The following LDLRAD3 variants were observed in gnomAD, a reference collection of about 807,000 sequenced individuals.
The protein encoded by LDLRAD3 is low-density lipoprotein receptor class A domain-containing protein 3.
In LDLRAD3, 20 loss-of-function variants were observed where a neutral mutation model predicts 29.4. That is an observed-to-expected ratio of 0.68 (90% CI 0.48 to 0.99). The LOEUF (loss-of-function observed/expected upper bound fraction) is 0.99. Among genes scored for constraint, LDLRAD3 ranks in the 50% least tolerant of loss-of-function variants. LDLRAD3 has a pLI of 0.00. For synonymous variants in LDLRAD3, 157 were observed against 192.7 expected (o/e 0.81, Z 1.53); for missense variants, 420 against 454.3 (o/e 0.92, Z 0.69).
intron 4 of LDLRAD3, among the ~76,000 whole-genome samples, chr11:36,178,805 C>T (rs1299766949): frequency 6.6e-6 from 1 of 152,230 alleles, no homozygotes. Context: ...CCCATCCCTC[C>T]TGCCTTTGAA....
intron 4 of LDLRAD3, 63 bp downstream of exon 4, chr11:36,098,524 T>G (rs188388287): frequency 1.9e-6 from 3 of 1,584,864 alleles, no homozygotes; most frequent in Admixed American, 3.4e-5. Context: ...TGGAACACCC[T>G]GAAAGGCAGA....
At chr11:36,133,246 G>T (rs959655595) in intron 4 of LDLRAD3, among the ~76,000 whole-genome samples, 1 of 146,078 alleles carries the variant, frequency 6.8e-6, no homozygotes, top group Non-Finnish European at 1.5e-5. Flanking sequence ...ATGTTGTCCA[G>T]GTTGGTCTCG....
chr11:35,992,374 T>C (rs1192899606), intron 1 of LDLRAD3, among the ~76,000 whole-genome samples: 1 of 152,226 alleles, frequency 6.6e-6, no homozygotes, highest in Non-Finnish European at 1.5e-5. Context: ...CATTGGTATG[T>C]CCACACACAA....
intron 1 of LDLRAD3, among the ~76,000 whole-genome samples, chr11:36,025,241 T>G (rs1852148443): frequency 6.6e-6 from 1 of 152,200 alleles, no homozygotes; most frequent in Non-Finnish European, 1.5e-5. Flanking sequence ...CCTAAAATAT[T>G]AGTGTAATTT....
At chr11:36,114,817 C>T (rs1853652513) in intron 4 of LDLRAD3, among the ~76,000 whole-genome samples, 1 of 152,142 alleles carries the variant, frequency 6.6e-6, no homozygotes, top group African/African-American at 2.4e-5. Flanking sequence ...TATCCACAGC[C>T]CTGTTACTTC....
chr11:36,163,916 C>T (rs995394230), intron 4 of LDLRAD3, among the ~76,000 whole-genome samples: 2 of 152,200 alleles, frequency 1.3e-5, no homozygotes, highest in Admixed American at 1.3e-4. Context: ...ATTTTGCTCC[C>T]GTTTTCATCT....
At chr11:36,207,128 A>T (rs1001335675) in intron 4 of LDLRAD3, among the ~76,000 whole-genome samples, 18 of 152,158 alleles carry the variant, frequency 1.2e-4, no homozygotes. Flanking sequence ...AGTTTCAACT[A>T]GGGGGTTTCC....
At chr11:35,966,718 T>C (rs1851346514) in intron 1 of LDLRAD3, among the ~76,000 whole-genome samples, 1 of 152,210 alleles carries the variant, frequency 6.6e-6, no homozygotes, top group Non-Finnish European at 1.5e-5. Context: ...GTCTTACTTT[T>C]ACCCACCTCA....
chr11:35,982,336 C>T (rs1156485153), intron 1 of LDLRAD3, among the ~76,000 whole-genome samples: 1 of 152,110 alleles, frequency 6.6e-6, no homozygotes, highest in Non-Finnish European at 1.5e-5. Flanking sequence ...GTCTCCACAT[C>T]ACTCTCTCTC....
At chr11:36,082,441 A>AG (rs1853129484) in intron 3 of LDLRAD3, among the ~76,000 whole-genome samples, 1 of 152,170 alleles carries the variant, frequency 6.6e-6, no homozygotes, top group Non-Finnish European at 1.5e-5. Flanking sequence ...CTGGGAGGTC[A>AG]AGGCTGCAGT....
chr11:36,165,629 G>A (rs369823138), intron 4 of LDLRAD3, among the ~76,000 whole-genome samples: 7 of 152,040 alleles, frequency 4.6e-5, no homozygotes, highest in Admixed American at 2.6e-4. Context: ...CCTTTATTTA[G>A]GAAGGTCCTG....
intron 1 of LDLRAD3, among the ~76,000 whole-genome samples, chr11:35,985,568 C>G (rs927586951): frequency 6.6e-6 from 1 of 152,110 alleles, no homozygotes; most frequent in Admixed American, 6.6e-5. Flanking sequence ...TGTGTCCCCA[C>G]CTAAATCTCA....
intron 1 of LDLRAD3, among the ~76,000 whole-genome samples, chr11:35,953,781 G>A (rs552252434): frequency 6.6e-6 from 1 of 152,302 alleles, no homozygotes; most frequent in South Asian, 2.1e-4. Context: ...TTTCATCAGA[G>A]TTCAAGCTGT....
intron 4 of LDLRAD3, among the ~76,000 whole-genome samples, chr11:36,123,017 A>G (rs772215415): frequency 2.0e-5 from 3 of 152,042 alleles, no homozygotes; most frequent in Non-Finnish European, 2.9e-5. Context: ...CTCTACAACA[A>G]CAACAACAAA....
At chr11:35,985,897 G>T (rs58776186) in intron 1 of LDLRAD3, among the ~76,000 whole-genome samples, 1 of 150,688 alleles carries the variant, frequency 6.6e-6, no homozygotes, top group Admixed American at 6.6e-5. Flanking sequence ...TATTAGCACC[G>T]TGAGAACAGA....
rs1855544843 is a variant in LDLRAD3 at position 36,229,356 on chromosome 11, C to T, written c.997C>T (p.Pro333Ser). The T allele has an allele frequency of 1.2e-6, 2 of 1,613,764 alleles. No homozygotes were observed. Among genetic ancestry groups the T allele is most frequent in the African/African-American group, 1.3e-5 (1 of 75,052 alleles). Residue 333 changes from proline (P) to serine (S), a missense_variant, in exon 6 of 6, where the codon CCC becomes TCC. By Grantham distance (74) the Pro-to-Ser change is moderately conservative. Transcript: ENST00000315571. ...QPGPQEGTAE[P>S]RDSEPSQGTE... ...TGGCCCCCAGGAGGGCACTGCTGAG[C>T]CCAGGGACTCTGAGCCCAGCCAGGG... is the stretch of plus-strand genomic sequence containing the variant.
chr11:36,144,323 G>A (rs1854136559), intron 4 of LDLRAD3, among the ~76,000 whole-genome samples: 1 of 150,000 alleles, frequency 6.7e-6, no homozygotes, highest in South Asian at 2.2e-4. Context: ...CCAAAGTGCC[G>A]AGATTGCAGC....
intron 4 of LDLRAD3, among the ~76,000 whole-genome samples, chr11:36,112,242 C>G (rs1853616162): frequency 6.6e-6 from 1 of 152,148 alleles, no homozygotes; most frequent in Admixed American, 6.5e-5. Context: ...TGAAACCCTC[C>G]TTTTTGCAGA....
intron 4 of LDLRAD3, among the ~76,000 whole-genome samples, chr11:36,115,201 C>CT (rs1853658241): frequency 6.6e-6 from 1 of 152,220 alleles, no homozygotes; most frequent in South Asian, 2.1e-4. Context: ...GCTGTCCCAG[C>CT]TGCAGATACT....
Sources: gnomAD v4.1 joint callset for allele counts (sites outside exome capture counted in the v4.1 genomes callset) on GRCh38, gnomAD v4.1.1 for gene constraint, MANE v1.5 for transcripts, NCBI Gene and HGNC (gene_info 2026-07-23, HGNC 2026-07-21) for gene names.